The following CAP2 variants were observed in gnomAD, a reference collection of about 807,000 sequenced individuals.
The protein encoded by CAP2 is cyclase associated actin cytoskeleton regulatory protein 2.
In CAP2, 24 loss-of-function variants were observed where a neutral mutation model predicts 57.7. The observed-to-expected ratio is 0.42, with a 90% CI of 0.30 to 0.58. The LOEUF is 0.58. Among genes scored for constraint, CAP2 ranks in the 20% least tolerant of loss-of-function variants. CAP2 has a pLI of 0.22. For missense variants in CAP2, 501 were observed against 590.3 expected (o/e 0.85, Z 1.57); for synonymous variants, 194 against 207.2 (o/e 0.94, Z 0.55).
At chr6:17,512,389 C>T (rs1190620039) in intron 6 of CAP2, among the ~76,000 whole-genome samples, 1 of 151,544 alleles carries the variant, frequency 6.6e-6, no homozygotes, top group Non-Finnish European at 1.5e-5. Flanking sequence ...GAGCAAGACC[C>T]TGTCTCTAAA....
At chr6:17,498,356 A>G (rs1485407544) in intron 4 of CAP2, among the ~76,000 whole-genome samples, 1 of 152,250 alleles carries the variant, frequency 6.6e-6, no homozygotes, top group Non-Finnish European at 1.5e-5. Context: ...GTAGATTATT[A>G]TCTATCTGAA....
intron 2 of CAP2, among the ~76,000 whole-genome samples, chr6:17,423,217 A>G (rs960456879): frequency 5.3e-5 from 8 of 152,350 alleles, no homozygotes; most frequent in African/African-American, 1.4e-4. Flanking sequence ...CCTGTATTAC[A>G]TACCATGGGA....
intron 4 of CAP2, among the ~76,000 whole-genome samples, chr6:17,485,794 C>T (rs1308893606): frequency 1.3e-5 from 2 of 152,214 alleles, no homozygotes; most frequent in Admixed American, 6.5e-5. Flanking sequence ...GCATAAGAAC[C>T]TTCTACAGAA....
intron 4 of CAP2, among the ~76,000 whole-genome samples, chr6:17,481,244 G>A (rs898803453): frequency 6.6e-6 from 1 of 152,004 alleles, no homozygotes; most frequent in African/African-American, 2.4e-5. Flanking sequence ...TATGTTTATT[G>A]TAGTCGTTCT....
chr6:17,490,115 AT>A (rs1197301224), intron 4 of CAP2, among the ~76,000 whole-genome samples: 3 of 152,230 alleles, frequency 2.0e-5, no homozygotes, highest in Admixed American at 2.0e-4. Context: ...ATTAATATGC[AT>A]AGTAATTTTA....
chr6:17,459,674 G>C (rs1760671789), intron 3 of CAP2, among the ~76,000 whole-genome samples: 1 of 151,848 alleles, frequency 6.6e-6, no homozygotes. Flanking sequence ...AAATGAAAAA[G>C]GAAATTTAAA....
intron 3 of CAP2, among the ~76,000 whole-genome samples, chr6:17,452,442 A>G (rs1478149304): frequency 6.6e-6 from 1 of 152,192 alleles, no homozygotes; most frequent in Non-Finnish European, 1.5e-5. Context: ...GTAATTTCCC[A>G]AACTTATCAG....
chr6:17,474,196 T>G (rs978781343), intron 4 of CAP2, among the ~76,000 whole-genome samples: 8 of 146,698 alleles, frequency 5.5e-5, no homozygotes, highest in African/African-American at 2.0e-4. Flanking sequence ...TTTTTTTTTT[T>G]TTTTTTTTTT....
intron 1 of CAP2, among the ~76,000 whole-genome samples, chr6:17,411,526 A>G (rs1206265913): frequency 6.6e-6 from 1 of 152,060 alleles, no homozygotes; most frequent in Non-Finnish European, 1.5e-5. Flanking sequence ...CTTGATTTGC[A>G]TTTTCCTAAT....
chr6:17,445,662 T>G (rs1481414327), intron 3 of CAP2, among the ~76,000 whole-genome samples: 1 of 152,192 alleles, frequency 6.6e-6, no homozygotes, highest in Non-Finnish European at 1.5e-5. Flanking sequence ...ATTGTAAACA[T>G]CTGGATGGAA....
At chr6:17,507,901 T>C (rs745940093) in intron 6 of CAP2, among the ~76,000 whole-genome samples, 175 bp downstream of exon 6, 4 of 152,226 alleles carry the variant, frequency 2.6e-5, no homozygotes, top group Non-Finnish European at 4.4e-5. Flanking sequence ...GTGGAATCAA[T>C]TATCCAGATA....
chr6:17,494,466 T>C (rs1202714631), intron 4 of CAP2, among the ~76,000 whole-genome samples: 1 of 152,134 alleles, frequency 6.6e-6, no homozygotes, highest in Non-Finnish European at 1.5e-5. Flanking sequence ...CCTCCAGATG[T>C]CTACATGGCT....
At chr6:17,397,979 A>C (rs936237380) in intron 1 of CAP2, among the ~76,000 whole-genome samples, 2 of 152,116 alleles carry the variant, frequency 1.3e-5, no homozygotes, top group African/African-American at 4.8e-5. Context: ...GATGGCATGT[A>C]ACCACTTACT....
intron 8 of CAP2, 53 bp downstream of exon 8, chr6:17,539,511 G>A: frequency 7.0e-7 from 1 of 1,431,484 alleles, no homozygotes; most frequent in South Asian, 1.2e-5. Context: ...CTGGCTCCCA[G>A]ACACAAAAGA....
chr6:17,503,940 G>A (rs1224093741), intron 4 of CAP2, among the ~76,000 whole-genome samples: 2 of 152,208 alleles, frequency 1.3e-5, no homozygotes, highest in Admixed American at 1.3e-4. Context: ...ACTAGCTTCT[G>A]CAGCAAATGT....
chr6:17,540,751 T>G (rs1292770129), intron 8 of CAP2, among the ~76,000 whole-genome samples: 1 of 151,966 alleles, frequency 6.6e-6, no homozygotes, highest in African/African-American at 2.4e-5. Context: ...GAGACTCCAT[T>G]TAAAAAACAA....
At chr6:17,532,383 C>T (rs562972019) in intron 7 of CAP2, among the ~76,000 whole-genome samples, 251 of 150,550 alleles carry the variant, frequency 1.7e-3, no homozygotes, top group African/African-American at 5.4e-3. Flanking sequence ...TCAGGTGATC[C>T]GCCAGCCTCG....
chr6:17,509,493 C>A (rs770346311), intron 6 of CAP2, among the ~76,000 whole-genome samples: 3 of 152,114 alleles, frequency 2.0e-5, no homozygotes, highest in African/African-American at 7.2e-5. Flanking sequence ...GCCTGGCCAA[C>A]ATGGTGAAAC....
intron 1 of CAP2, among the ~76,000 whole-genome samples, chr6:17,407,512 C>T (rs1223761684): frequency 6.6e-6 from 1 of 151,062 alleles, no homozygotes; most frequent in Non-Finnish European, 1.5e-5. Context: ...CGCATTGCCT[C>T]ACGCCTGTAA....
Sources: allele counts gnomAD v4.1 joint callset (sites outside exome capture counted in the v4.1 genomes callset), GRCh38; gene constraint gnomAD v4.1.1; transcripts MANE v1.5; gene names NCBI Gene and HGNC (gene_info 2026-07-23, HGNC 2026-07-21).